FMN2: variants seen among roughly 807,000 people sequenced by gnomAD.
FMN2 encodes formin-2.
In FMN2, 51 loss-of-function variants were observed where a neutral mutation model predicts 142.3. The ratio of observed to expected loss-of-function variants is 0.36; its 90% CI spans 0.29 to 0.45. The LOEUF is 0.45. Ranked by LOEUF, FMN2 falls within the 20% of genes least tolerant of loss-of-function variation. FMN2 has a pLI of 1.00. For synonymous variants in FMN2, 882 were observed against 869.8 expected, an observed-to-expected ratio of 1.01 and a Z score of -0.25; for missense variants, 1,936 against 2,122.8, an observed-to-expected ratio of 0.91 and a Z score of 1.73.
At chr1:240,327,755 G>A (rs1671219242) in intron 8 of FMN2, among the ~76,000 whole-genome samples, 1 of 151,986 alleles carries the variant, frequency 6.6e-6, no homozygotes. Context: ...TCTCTCATAA[G>A]GAAACACATT....
At chr1:240,321,291 G>A (rs1670963842) in intron 8 of FMN2, among the ~76,000 whole-genome samples, 1 of 151,988 alleles carries the variant, frequency 6.6e-6, no homozygotes, top group Non-Finnish European at 1.5e-5. Context: ...CAGAGTATTT[G>A]TTACCAAGGA....
At chr1:240,215,134 A>T (rs1666845849) in intron 6 of FMN2, among the ~76,000 whole-genome samples, 1 of 152,170 alleles carries the variant, frequency 6.6e-6, no homozygotes, top group South Asian at 2.1e-4. Flanking sequence ...AGTGATTTTG[A>T]TAATAAGGGT....
Position 240,438,200 on chromosome 1 carries a change from C to T in FMN2, c.5050C>T (p.Leu1684=), listed in dbSNP as rs749157114. The T allele has an allele frequency of 6.2e-7, 1 of 1,612,832 alleles. No individual in the cohort carries two copies. The highest frequency in any genetic ancestry group is 1.1e-5 in the South Asian group (1 of 90,638). The change falls in exon 16 of 18, where the codon CTA becomes TTA. Residue 1684 remains leucine, a synonymous_variant. Transcript: ENST00000319653. ...DFWKKENKLL[L]QERVKEAEEV... ...CTGGAAGAAAGAGAACAAACTTCTT[C>T]TACAAGAGAGGTAGGTATTTTCATT...
chr1:240,409,688 A>G (rs1384975112), intron 15 of FMN2, among the ~76,000 whole-genome samples: 1 of 152,150 alleles, frequency 6.6e-6, no homozygotes, highest in African/African-American at 2.4e-5. Context: ...TAGACTCCAT[A>G]AATTATCCTG....
chr1:240,231,514 T>C (rs1290980260), intron 6 of FMN2, among the ~76,000 whole-genome samples: 1 of 152,200 alleles, frequency 6.6e-6, no homozygotes, highest in African/African-American at 2.4e-5. Flanking sequence ...ATCGGCTAAA[T>C]TAGAATCATT....
intron 7 of FMN2, among the ~76,000 whole-genome samples, chr1:240,280,641 G>C (rs1669363134): frequency 6.6e-6 from 1 of 152,134 alleles, no homozygotes; most frequent in Non-Finnish European, 1.5e-5. Context: ...ACATTTTGCA[G>C]TGCTGGTTTA....
Position 240,093,486 on chromosome 1 carries a change from G to A in FMN2, c.1377G>A (p.Leu459=), listed in dbSNP as rs138052423. ...TGAGCCGAGGGTCCAGAACTGCCCT[G>A]GCCTCCGTAGCCGCCCCGGCCAAGA... The part of the protein sequence containing the change: ...PSLSRGSRTA[L]ASVAAPAKKH... The change falls in exon 1 of 18, where the codon CTG becomes CTA. Residue 459 remains leucine (L), a synonymous_variant. Transcript: ENST00000319653. The A allele has an allele frequency of 6.2e-7, 1 of 1,602,914 alleles. No homozygotes were observed. The highest frequency in any genetic ancestry group is 1.7e-4 in the Middle Eastern group (1 of 5,998).
chr1:240,361,307 T>C (rs1041637273), intron 14 of FMN2, among the ~76,000 whole-genome samples: 1 of 151,142 alleles, frequency 6.6e-6, no homozygotes, highest in African/African-American at 2.4e-5. Context: ...CTGAGGGACT[T>C]AGGCTTCATC....
At chr1:240,421,386 C>T (rs750453624) in intron 15 of FMN2, among the ~76,000 whole-genome samples, 5 of 152,090 alleles carry the variant, frequency 3.3e-5, no homozygotes, top group South Asian at 2.1e-4. Context: ...TAATATAACA[C>T]GTTCAAATTA....
chr1:240,263,245 T>C (rs574102838), intron 7 of FMN2, among the ~76,000 whole-genome samples: 15 of 152,346 alleles, frequency 9.8e-5, no homozygotes, highest in Admixed American at 9.8e-4. Flanking sequence ...TCTGTCTTTA[T>C]AGGGGCTCTC....
intron 2 of FMN2, among the ~76,000 whole-genome samples, chr1:240,124,798 A>G (rs149509706): frequency 0.073 from 11,119 of 152,032 alleles, 548 homozygotes; most frequent in South Asian, 0.15. Flanking sequence ...CTCTTGAGTA[A>G]CTGGGATTAC....
At chr1:240,114,818 C>G (rs1661959221) in intron 1 of FMN2, among the ~76,000 whole-genome samples, 1 of 151,990 alleles carries the variant, frequency 6.6e-6, no homozygotes, top group South Asian at 2.1e-4. Context: ...CCACCATGCC[C>G]AGCTAATTTT....
intron 2 of FMN2, among the ~76,000 whole-genome samples, chr1:240,171,620 C>G (rs1435802645): frequency 3.3e-5 from 5 of 152,102 alleles, no homozygotes; most frequent in Non-Finnish European, 7.4e-5. Context: ...AGGTGGGAAC[C>G]AAACCCTCAT....
intron 7 of FMN2, among the ~76,000 whole-genome samples, chr1:240,267,585 G>T (rs1051238519): frequency 6.6e-6 from 1 of 150,384 alleles, no homozygotes; most frequent in Non-Finnish European, 1.5e-5. Context: ...AAACCCTCAT[G>T]ACACAAGTTT....
chr1:240,469,257 C>G (rs564295163), intron 16 of FMN2, among the ~76,000 whole-genome samples: 32 of 152,254 alleles, frequency 2.1e-4, no homozygotes, highest in African/African-American at 7.0e-4. Flanking sequence ...CCTAGAGTGA[C>G]TAAATCAGAA....
At chr1:240,396,158 G>T (rs1221521114) in intron 15 of FMN2, among the ~76,000 whole-genome samples, 2 of 152,092 alleles carry the variant, frequency 1.3e-5, no homozygotes, top group African/African-American at 2.4e-5. Flanking sequence ...ATGTAATTCT[G>T]TTGCATACTT....
At position 240,092,416 on chromosome 1, in the gene FMN2, C is replaced by T; in HGVS notation, c.307C>T (p.Leu103=). ...CGAAGATGTACTGGATTCCCAGGCC[C>T]TGCAGACCGGGGAGCTGGACAGCGC... ...SREDVLDSQA[L]QTGELDSAHS... Residue 103 remains leucine (L), a synonymous_variant, in exon 1 of 18, where the codon CTG becomes TTG. Coordinates refer to ENST00000319653, the MANE Select transcript of FMN2 (RefSeq NM_020066.5). 1 of 1,612,502 alleles carries T rather than the reference C, an allele frequency of 6.2e-7. No homozygotes were observed. The highest frequency in any genetic ancestry group is 2.2e-5 in the East Asian group (1 of 44,806).
At chr1:240,414,489 G>A (rs564324383) in intron 15 of FMN2, among the ~76,000 whole-genome samples, 8 of 152,294 alleles carry the variant, frequency 5.3e-5, no homozygotes, top group African/African-American at 1.7e-4. Flanking sequence ...ATTCAATTAC[G>A]AAATTTTAAA....
intron 2 of FMN2, among the ~76,000 whole-genome samples, chr1:240,166,310 A>C (rs1187318784): frequency 6.6e-6 from 1 of 151,806 alleles, no homozygotes; most frequent in Non-Finnish European, 1.5e-5. Context: ...GCTCACTGCA[A>C]ACTCTGCCTC....
Sources: allele counts gnomAD v4.1 joint callset (sites outside exome capture counted in the v4.1 genomes callset), GRCh38; gene constraint gnomAD v4.1.1; transcripts MANE v1.5; gene names NCBI Gene and HGNC (gene_info 2026-07-23, HGNC 2026-07-21).